CTNNA3: variants seen among roughly 807,000 people sequenced by gnomAD.
CTNNA3 encodes catenin alpha 3.
A neutral mutation model predicts 95.7 loss-of-function variants in CTNNA3; 76 were observed. That is an observed-to-expected ratio of 0.79 (90% CI 0.66 to 0.96). The LOEUF is 0.96. CTNNA3 is among the 40% of genes least tolerant of loss of function. The pLI is 0.00. For synonymous variants in CTNNA3, 431 were observed against 374.4 expected, an observed-to-expected ratio of 1.15 and a Z score of -1.74; for missense variants, 1,191 against 1,089.8, an observed-to-expected ratio of 1.09 and a Z score of -1.31.
chr10:66,047,817 T>C (rs1441632229), intron 15 of CTNNA3, among the ~76,000 whole-genome samples: 1 of 152,034 alleles, frequency 6.6e-6, no homozygotes, highest in East Asian at 1.9e-4. Context: ...TCGCTAGCAT[T>C]CCTATACACC....
At chr10:67,129,495 T>C (rs1859886452) in intron 7 of CTNNA3, among the ~76,000 whole-genome samples, 1 of 152,154 alleles carries the variant, frequency 6.6e-6, no homozygotes, top group South Asian at 2.1e-4. Context: ...TAATGTGCAA[T>C]TAAAACTCAG....
chr10:67,583,030 C>T (rs1842466879), intron 3 of CTNNA3, among the ~76,000 whole-genome samples: 1 of 152,024 alleles, frequency 6.6e-6, no homozygotes, highest in Admixed American at 6.6e-5. Context: ...CAGTCTGTGT[C>T]TTGTAATTGG....
intron 11 of CTNNA3, among the ~76,000 whole-genome samples, chr10:66,432,719 T>C (rs189937638): frequency 1.3e-4 from 20 of 151,468 alleles, no homozygotes; most frequent in African/African-American, 4.6e-4. Context: ...CTTTGTTACA[T>C]AGGCATACTT....
intron 15 of CTNNA3, among the ~76,000 whole-genome samples, chr10:65,989,294 A>G (rs2078490815): frequency 6.6e-6 from 1 of 152,124 alleles, no homozygotes; most frequent in African/African-American, 2.4e-5. Context: ...CTCCAGTATT[A>G]TTATTATTAT....
intron 5 of CTNNA3, among the ~76,000 whole-genome samples, chr10:67,399,600 AC>A (rs2132800648): frequency 6.6e-6 from 1 of 152,138 alleles, no homozygotes; most frequent in East Asian, 1.9e-4. Context: ...CAGGTAGAAC[AC>A]CCTCCATTTC....
chr10:66,025,642 C>G (rs1461282804), intron 15 of CTNNA3, among the ~76,000 whole-genome samples: 1 of 152,118 alleles, frequency 6.6e-6, no homozygotes, highest in East Asian at 1.9e-4. Flanking sequence ...GCAGCAAGTT[C>G]AACTTGCATC....
At chr10:66,770,691 C>T (rs934972861) in intron 8 of CTNNA3, among the ~76,000 whole-genome samples, 5 of 151,892 alleles carry the variant, frequency 3.3e-5, no homozygotes, top group Non-Finnish European at 5.9e-5. Context: ...AAAAGCCCCA[C>T]CATTCCCACC....
chr10:66,019,435 A>AT (rs1458145197), intron 15 of CTNNA3, among the ~76,000 whole-genome samples: 1 of 151,656 alleles, frequency 6.6e-6, no homozygotes, highest in Non-Finnish European at 1.5e-5. Flanking sequence ...AGAAATGGGA[A>AT]TCAGATCCCC....
At chr10:67,401,075 A>G (rs537219569) in intron 5 of CTNNA3, among the ~76,000 whole-genome samples, 6 of 152,212 alleles carry the variant, frequency 3.9e-5, no homozygotes, top group Non-Finnish European at 8.8e-5. Flanking sequence ...ACTAGTGATC[A>G]CATTAAAATA....
At chr10:67,223,926 G>A (rs1864773307) in intron 5 of CTNNA3, among the ~76,000 whole-genome samples, 1 of 152,320 alleles carries the variant, frequency 6.6e-6, no homozygotes, top group South Asian at 2.1e-4. Context: ...CTCAGAGAAT[G>A]TGAATCTTTT....
At chr10:67,539,776 A>G (rs1840613753) in intron 3 of CTNNA3, 107 bp from the exon 4 acceptor site, 1 of 931,296 alleles carries the variant, frequency 1.1e-6, no homozygotes, top group African/African-American at 1.7e-5. Context: ...TAAGCATAAT[A>G]TAAAAATATT....
chr10:66,647,215 G>T (rs758057175), intron 9 of CTNNA3, among the ~76,000 whole-genome samples: 1 of 152,214 alleles, frequency 6.6e-6, no homozygotes, highest in Admixed American at 6.5e-5. Context: ...CTACAAGCCA[G>T]GAGAGTCAAA....
At chr10:66,786,346 T>C (rs1470664072) in intron 7 of CTNNA3, among the ~76,000 whole-genome samples, 2 of 152,086 alleles carry the variant, frequency 1.3e-5, no homozygotes, top group African/African-American at 4.8e-5. Flanking sequence ...GAGCTAGAAA[T>C]AACTTTTATG....
At chr10:66,895,938 A>G (rs773268872) in intron 7 of CTNNA3, among the ~76,000 whole-genome samples, 7 of 150,734 alleles carry the variant, frequency 4.6e-5, no homozygotes, top group Non-Finnish European at 1.0e-4. Flanking sequence ...AAAAAAAAGA[A>G]CACACAGAAT....
intron 13 of CTNNA3, among the ~76,000 whole-genome samples, chr10:66,115,683 C>G (rs555880742): frequency 6.6e-6 from 1 of 151,858 alleles, no homozygotes; most frequent in East Asian, 1.9e-4. Flanking sequence ...CGTTAAGCTG[C>G]CAGGTATAGT....
At chr10:66,933,351 AAAAC>A (rs1272377949) in intron 7 of CTNNA3, among the ~76,000 whole-genome samples, 1 of 152,254 alleles carries the variant, frequency 6.6e-6, no homozygotes, top group African/African-American at 2.4e-5. Context: ...AGCGAACACT[AAAAC>A]AAATAATTAT....
At chr10:66,893,007 C>A (rs755159878) in intron 7 of CTNNA3, among the ~76,000 whole-genome samples, 11 of 152,070 alleles carry the variant, frequency 7.2e-5, no homozygotes, top group Admixed American at 2.0e-4. Context: ...ACTTGCAAAT[C>A]CCCTCAACTG....
chr10:66,524,812 G>A (rs1841193147), intron 10 of CTNNA3, among the ~76,000 whole-genome samples: 1 of 152,150 alleles, frequency 6.6e-6, no homozygotes. Context: ...GACTTTGGGA[G>A]GCTAAGGCAG....
upstream of CTNNA3, among the ~76,000 whole-genome samples, chr10:67,698,534 G>A (rs1035024427): frequency 6.6e-6 from 1 of 152,160 alleles, no homozygotes; most frequent in African/African-American, 2.4e-5. Context: ...TCAGAATGGA[G>A]TAGTTTCTTC....
Sources: gnomAD v4.1 joint callset for allele counts (sites outside exome capture counted in the v4.1 genomes callset) on GRCh38, gnomAD v4.1.1 for gene constraint, MANE v1.5 for transcripts, NCBI Gene and HGNC (gene_info 2026-07-23, HGNC 2026-07-21) for gene names.